EYA3: variants seen among roughly 807,000 people sequenced by gnomAD.
EYA3 encodes EYA transcriptional coactivator and phosphatase 3.
In EYA3, 39 loss-of-function variants were observed where a neutral mutation model predicts 80.0. The ratio of observed to expected loss-of-function variants is 0.49; its 90% CI spans 0.38 to 0.64. The LOEUF is 0.64. EYA3 is among the 30% of genes least tolerant of loss of function. EYA3 has a pLI of 0.00. For missense variants in EYA3, 523 were observed against 676.1 expected, an observed-to-expected ratio of 0.77 and a Z score of 2.51; for synonymous variants, 206 against 232.8, an observed-to-expected ratio of 0.88 and a Z score of 1.05.
chr1:28,030,391 C>T (rs529659791), intron 6 of EYA3, among the ~76,000 whole-genome samples: 1 of 152,276 alleles, frequency 6.6e-6, no homozygotes, highest in South Asian at 2.1e-4. Context: ...CTCCTGGGAT[C>T]AAGGGATCCT....
At chr1:27,979,229 T>C (rs549983487) in intron 16 of EYA3, among the ~76,000 whole-genome samples, 1 of 152,316 alleles carries the variant, frequency 6.6e-6, no homozygotes, top group South Asian at 2.1e-4. Context: ...AAGGCCCTGA[T>C]TTCTTGTTAG....
chr1:28,014,451 G>C (rs1422833727), intron 8 of EYA3, among the ~76,000 whole-genome samples: 3 of 146,086 alleles, frequency 2.1e-5, no homozygotes, highest in Non-Finnish European at 4.5e-5. Context: ...AAAAAGGCCA[G>C]GCACGGGAGC....
rs1305734247 is a variant in EYA3 at position 27,972,205 on chromosome 1, A to G, written c.*2261T>C. ...TGTCCAGGACAAAAACCCAACAGCT[A>G]TACTGCATAGGGGGAGGGTTTGAGG... On this transcript the variant is annotated 3_prime_UTR_variant, in exon 18 of 18. Transcript: ENST00000373871. 6.6e-6 allele frequency: 1 copy of G among 152,192 alleles called. No individual in the cohort carries two copies. The highest frequency in any genetic ancestry group is 2.4e-5 in the African/African-American group (1 of 41,436). 9.4% of individuals were successfully genotyped at this position (152,192 alleles called of 1,614,324 possible).
At chr1:28,018,589 C>T (rs1178077618) in intron 7 of EYA3, among the ~76,000 whole-genome samples, 1 of 152,158 alleles carries the variant, frequency 6.6e-6, no homozygotes, top group Non-Finnish European at 1.5e-5. Flanking sequence ...GGCAGGAGAA[C>T]AAATGCAATA....
intron 6 of EYA3, chr1:28,031,897 C>T (rs1245322777): frequency 2.6e-5 from 4 of 151,882 alleles, no homozygotes; most frequent in Non-Finnish European, 4.4e-5. Flanking sequence ...GGCAAGGTCT[C>T]ACTACATTGT....
chr1:28,026,258 C>T (rs1642777998), intron 7 of EYA3, among the ~76,000 whole-genome samples: 1 of 152,154 alleles, frequency 6.6e-6, no homozygotes, highest in Non-Finnish European at 1.5e-5. Context: ...ATCAGATATA[C>T]CTGTTTAGAA....
chr1:27,989,663 G>T (rs1639900748), intron 15 of EYA3, 34 bp downstream of exon 15: 2 of 1,376,236 alleles, frequency 1.5e-6, no homozygotes, highest in South Asian at 2.4e-5. Flanking sequence ...ATATGTCGCT[G>T]AGAGGATGAG....
rs191968467 is a variant in EYA3, at chr1:28,008,908, C to A, written c.909+2039G>T. On this transcript the variant is annotated intron_variant, in intron 10 of 17. Coordinates refer to ENST00000373871, the MANE Select transcript of EYA3 (RefSeq NM_001990.4). The stretch of plus-strand genomic sequence containing the variant: ...GCAATGAGCCGAGATTGTGCCACTG[C>A]ACTAGGGAAATGCAAATCAAAGCCA... 4.0e-4 allele frequency among the ~76,000 whole-genome samples: 61 copies of A among 152,280 alleles called. 1 individual carries two copies. Among genetic ancestry groups the A allele is most frequent in the African/African-American group, 1.5e-3 (61 of 41,556 alleles).
rs181404169 is a variant in EYA3, at chr1:28,045,393, G to A, written c.78-2743C>T. ...CATAAAACTGAACCAGAATTTTCCTGACATCAATAACTAGTTTGACTTCTA... is the reference window on the plus strand; with the variant it reads ...CATAAAACTGAACCAGAATTTTCCTAACATCAATAACTAGTTTGACTTCTA... On this transcript the variant is annotated intron_variant, in intron 3 of 17. Coordinates refer to ENST00000373871, the MANE Select transcript of EYA3 (RefSeq NM_001990.4). 9.9e-5 allele frequency among the ~76,000 whole-genome samples: 15 copies of A among 152,276 alleles called. No homozygotes were observed. In the East Asian group the frequency reaches 2.7e-3, roughly 27 times the overall value.
chr1:28,056,465 A>G lies in EYA3; in HGVS notation c.33+1529T>C, dbSNP rs149800819. Among the ~76,000 whole-genome samples, 4 of 152,292 alleles carry G rather than the reference A, an allele frequency of 2.6e-5. No individual in the cohort carries two copies. In the East Asian group the frequency reaches 5.8e-4, roughly 22 times the overall value. The stretch of plus-strand genomic sequence containing the variant: ...TATGCCTCTTGTTTCAAGGGGAACT[A>G]TGAGTAAACACTCAACTTTTCTTTC... On this transcript the variant is annotated intron_variant, in intron 2 of 17. Transcript: ENST00000373871.
chr1:28,042,662 A>C lies in EYA3; in HGVS notation c.78-12T>G. On this transcript the variant is annotated splice_polypyrimidine_tract_variant and intron_variant, in intron 3 of 17. Transcript: ENST00000373871. The stretch of plus-strand genomic sequence containing the variant: ...GATTGCTTACTTGACTGGGAGAACC[A>C]AAATGAATACATTAGCCCCTGATTG... 6.2e-7 allele frequency: 1 copy of C among 1,609,528 alleles called. No individual in the cohort carries two copies.
intron 16 of EYA3, among the ~76,000 whole-genome samples, chr1:27,981,066 A>C (rs907728198): frequency 6.6e-6 from 1 of 152,328 alleles, no homozygotes; most frequent in African/African-American, 2.4e-5. Context: ...AAAACAAAAA[A>C]AACTTCTGAC....
intron 3 of EYA3, among the ~76,000 whole-genome samples, chr1:28,047,567 G>T (rs1644061389): frequency 6.7e-6 from 1 of 148,534 alleles, no homozygotes; most frequent in African/African-American, 2.5e-5. Context: ...CAGAAGGTAA[G>T]AACTGTGGAA....
rs1334077002 is a variant in EYA3 at position 27,997,217 on chromosome 1, T to G, written c.1142+103A>C. ...TGTCCTCTAACAGGTTGTGAGCTCT[T>G]TCAGAGATATATTCTATTTATCTTT... On this transcript the variant is annotated intron_variant, in intron 13 of 17. Transcript: ENST00000373871. The G allele has an allele frequency of 3.7e-6, 4 of 1,077,790 alleles. No individual in the cohort carries two copies. In the African/African-American group the frequency reaches 4.7e-5, roughly 13 times the overall value. The allele number at this position is 1,077,790 out of a possible 1,614,324, so 66.8% of individuals were successfully genotyped here.
chr1:28,070,603 A>T (rs1405099757), intron 1 of EYA3, among the ~76,000 whole-genome samples: 3 of 149,500 alleles, frequency 2.0e-5, no homozygotes, highest in Non-Finnish European at 3.0e-5. Flanking sequence ...AGAGAACACA[A>T]CTGTACATAC....
At chr1:28,086,409 G>A (rs1421626414) in intron 1 of EYA3, among the ~76,000 whole-genome samples, 3 of 152,048 alleles carry the variant, frequency 2.0e-5, no homozygotes, top group Admixed American at 6.6e-5. Context: ...GGTTGGTCTC[G>A]AACTCCTGGC....
rs148319564 is a variant in EYA3 at position 28,038,207 on chromosome 1, T to C, written c.224+632A>G. Among the ~76,000 whole-genome samples, 67 of 151,926 alleles carry C rather than the reference T, an allele frequency of 4.4e-4. 3 individuals are homozygous for C. The East Asian group carries it at 0.012, about 28-fold the overall frequency. On this transcript the variant is annotated intron_variant, in intron 5 of 17. Transcript: ENST00000373871. ...ACTGTAATCCCAGCACTTTGCGAGG[T>C]AGGCAGATCACCTGAGGTCAGCCGT...
intron 6 of EYA3, 146 bp downstream of exon 6, chr1:28,035,398 T>C: frequency 1.3e-6 from 1 of 750,892 alleles, no homozygotes; most frequent in Non-Finnish European, 2.2e-6. Flanking sequence ...ATTTTTTTAT[T>C]ACATGCATCA....
At chr1:28,076,142 T>C (rs1188042978) in intron 1 of EYA3, among the ~76,000 whole-genome samples, 1 of 152,236 alleles carries the variant, frequency 6.6e-6, no homozygotes, top group Non-Finnish European at 1.5e-5. Flanking sequence ...TGGGACTTTC[T>C]GTAGACAGAT....
Sources: allele counts gnomAD v4.1 joint callset (sites outside exome capture counted in the v4.1 genomes callset), GRCh38; gene constraint gnomAD v4.1.1; transcripts MANE v1.5; gene names NCBI Gene and HGNC (gene_info 2026-07-23, HGNC 2026-07-21).